CSMD1: variants seen among roughly 807,000 people sequenced by gnomAD.
CSMD1 encodes the protein CUB and Sushi multiple domains 1.
Under a neutral mutation model 417.5 loss-of-function variants are expected in CSMD1, and 213 were observed. The observed-to-expected ratio is 0.51, with a 90% confidence interval of 0.46 to 0.57. The LOEUF (loss-of-function observed/expected upper bound fraction) is 0.57, where lower values mean the gene tolerates loss of function less well. Among genes scored for constraint, CSMD1 ranks in the 20% least tolerant of loss-of-function variants. The pLI, the probability that CSMD1 is intolerant of heterozygous loss-of-function variation, is 0.00. For synonymous variants in CSMD1, 2,862 were observed against 1,736.8 expected (o/e 1.65, Z -16.11); for missense variants, 6,923 against 4,529.7 (o/e 1.53, Z -15.17).
intron 5 of CSMD1, among the ~76,000 whole-genome samples, chr8:3,803,603 G>T (rs1229625956): frequency 6.6e-6 from 1 of 152,186 alleles, no homozygotes; most frequent in Non-Finnish European, 1.5e-5. Context: ...AAAGACCAGT[G>T]TGTCTGCAGT....
rs150310364 is a variant in CSMD1 at position 3,168,131 on chromosome 8, C to A, written c.5726-5854G>T. 2.0e-4 allele frequency among the ~76,000 whole-genome samples: 30 copies of A among 151,738 alleles called. 1 individual carries two copies. The highest frequency in any genetic ancestry group is 7.2e-4 in the African/African-American group (30 of 41,390). On this transcript the variant is annotated intron_variant, in intron 37 of 69. Coordinates refer to ENST00000635120, the MANE Select transcript of CSMD1 (RefSeq NM_033225.6). ...ATAAGCAGAGAGTGAGGGAAGCAGA[C>A]CCATGTGAAGAGATTAATAGAGGAG...
chr8:3,122,068 G>A (rs557938119), intron 41 of CSMD1, among the ~76,000 whole-genome samples: 5 of 151,954 alleles, frequency 3.3e-5, no homozygotes, highest in African/African-American at 9.7e-5. Flanking sequence ...AATGTATATC[G>A]ATAATATGAA....
intron 7 of CSMD1, among the ~76,000 whole-genome samples, chr8:3,672,748 G>A (rs879759902): frequency 6.6e-6 from 1 of 152,130 alleles, no homozygotes; most frequent in Non-Finnish European, 1.5e-5. Flanking sequence ...TTTAAACCAG[G>A]CAAATGGAAG....
At chr8:4,220,171 G>T (rs543309936) in intron 3 of CSMD1, among the ~76,000 whole-genome samples, 2 of 152,218 alleles carry the variant, frequency 1.3e-5, no homozygotes, top group African/African-American at 2.4e-5. Context: ...AGCTCGTCTT[G>T]AACTCCTGAC....
At chr8:3,180,266 G>A (rs531426081) in intron 37 of CSMD1, among the ~76,000 whole-genome samples, 37 of 152,200 alleles carry the variant, frequency 2.4e-4, no homozygotes, top group Admixed American at 5.9e-4. Flanking sequence ...TATTAACTCT[G>A]TCTCACATCC....
At chr8:4,751,112 C>CTT in intron 1 of CSMD1, among the ~76,000 whole-genome samples, 1 of 152,096 alleles carries the variant, frequency 6.6e-6, no homozygotes, top group South Asian at 2.1e-4. Context: ...TGCCTGGGAG[C>CTT]AGTGGCTCAG....
Position 4,241,710 on chromosome 8 carries a change from T to C in CSMD1, c.415+178243A>G, listed in dbSNP as rs1032237805. Among the ~76,000 whole-genome samples, 13 of 9,436 alleles carry C rather than the reference T, an allele frequency of 1.4e-3. 1 individual carries two copies. Among genetic ancestry groups the C allele is most frequent in the Admixed American group, 0.011 (12 of 1,122 alleles). The allele number at this position is 9,436 out of a possible 152,430, so 6.2% of individuals were successfully genotyped here. A position where few individuals can be genotyped will look rare whatever the true frequency, so the allele number is the denominator to read the frequency against. On this transcript the variant is annotated intron_variant, in intron 3 of 69. Coordinates refer to ENST00000635120, the MANE Select transcript of CSMD1 (RefSeq NM_033225.6). ...GGATTTGGAGTGATTTTTTTTTTCT[T>C]TTTTTTTTTTTGAGACGGAGTCTCG... is the stretch of plus-strand genomic sequence containing the variant.
chr8:4,602,043 G>A lies in CSMD1; in HGVS notation c.302+35299C>T, dbSNP rs147229460. Reference sequence around the variant, plus strand: ...TTTGCTAGCAGGCATTCCCCAAGAAGAATGAATATAGAAATAGATAAAGGA... The same window carrying A: ...TTTGCTAGCAGGCATTCCCCAAGAAAAATGAATATAGAAATAGATAAAGGA... On this transcript the variant is annotated intron_variant, in intron 2 of 69. Coordinates refer to ENST00000635120, the MANE Select transcript of CSMD1 (RefSeq NM_033225.6). Among the ~76,000 whole-genome samples, 120 of 152,220 alleles carry A rather than the reference G, an allele frequency of 7.9e-4. 1 individual carries two copies. The Middle Eastern group carries it at 0.014, about 17-fold the overall frequency.
chr8:4,023,681 G>T (rs945190664), intron 4 of CSMD1, among the ~76,000 whole-genome samples: 1 of 150,600 alleles, frequency 6.6e-6, no homozygotes, highest in Non-Finnish European at 1.5e-5. Context: ...CCGCCTCCAG[G>T]GTTCACGCCA....
chr8:3,905,236 A>G (rs1423851475), intron 5 of CSMD1, among the ~76,000 whole-genome samples: 1 of 152,242 alleles, frequency 6.6e-6, no homozygotes, highest in Non-Finnish European at 1.5e-5. Context: ...TTTTTCAAAC[A>G]AAGGAATATT....
intron 12 of CSMD1, among the ~76,000 whole-genome samples, chr8:3,419,973 T>C (rs979743310): frequency 1.3e-5 from 2 of 152,162 alleles, no homozygotes; most frequent in African/African-American, 2.4e-5. Flanking sequence ...TACCTAATTG[T>C]GGATAATAAT....
intron 12 of CSMD1, among the ~76,000 whole-genome samples, chr8:3,433,969 G>C (rs1440530882): frequency 6.6e-6 from 1 of 152,192 alleles, no homozygotes; most frequent in African/African-American, 2.4e-5. Flanking sequence ...CCCTCTGGAA[G>C]TCTAACGATT....
chr8:4,925,832 C>A (rs1290677989), intron 1 of CSMD1, among the ~76,000 whole-genome samples: 2 of 152,176 alleles, frequency 1.3e-5, no homozygotes, highest in Non-Finnish European at 2.9e-5. Context: ...CAGGCGTGAG[C>A]CCTCGCGCCT....
intron 15 of CSMD1, among the ~76,000 whole-genome samples, chr8:3,403,853 T>G (rs1289955280): frequency 2.0e-5 from 3 of 152,218 alleles, no homozygotes; most frequent in East Asian, 3.8e-4. Flanking sequence ...TACCCATTTA[T>G]TAACATTTTG....
At chr8:3,524,304 C>T (rs1366510089) in intron 10 of CSMD1, among the ~76,000 whole-genome samples, 3 of 149,860 alleles carry the variant, frequency 2.0e-5, no homozygotes, top group Non-Finnish European at 4.4e-5. Flanking sequence ...CACGTACACT[C>T]AGAGACATAT....
At chr8:4,050,809 T>C (rs371198537) in intron 3 of CSMD1, among the ~76,000 whole-genome samples, 5 of 152,320 alleles carry the variant, frequency 3.3e-5, no homozygotes, top group East Asian at 3.9e-4. Flanking sequence ...GAATTTACCA[T>C]CTTTATCTCA....
Position 4,622,974 on chromosome 8 carries a change from T to A in CSMD1, c.302+14368A>T, listed in dbSNP as rs151088801. ...AATTCAAAGTTTTTTATATGTCACA[T>A]GAAATCAGGAAACACAAAAGAAAAA... On this transcript the variant is annotated intron_variant, in intron 2 of 69. Coordinates refer to ENST00000635120, the MANE Select transcript of CSMD1 (RefSeq NM_033225.6). Among the ~76,000 whole-genome samples, 80 of 152,266 alleles carry A rather than the reference T, an allele frequency of 5.3e-4. 2 individuals carry two copies. The East Asian group carries it at 0.015, about 29-fold the overall frequency.
At chr8:3,676,738 T>C (rs1044300754) in intron 7 of CSMD1, among the ~76,000 whole-genome samples, 1 of 152,156 alleles carries the variant, frequency 6.6e-6, no homozygotes, top group East Asian at 1.9e-4. Flanking sequence ...AATACGTATA[T>C]AATAAACATA....
chr8:4,264,504 T>C (rs1249079162), intron 3 of CSMD1, among the ~76,000 whole-genome samples: 5 of 152,140 alleles, frequency 3.3e-5, no homozygotes, highest in East Asian at 1.9e-4. Flanking sequence ...AGCTAATGTG[T>C]ACCCCCCCTG....
Sources: allele counts gnomAD v4.1 joint callset (sites outside exome capture counted in the v4.1 genomes callset), GRCh38; gene constraint gnomAD v4.1.1; transcripts MANE v1.5; gene names NCBI Gene and HGNC (gene_info 2026-07-23, HGNC 2026-07-21).